RBFOX1: variants seen among roughly 807,000 people sequenced by gnomAD.
RBFOX1 encodes the protein RNA binding protein fox-1 homolog 1.
RBFOX1 carries 8 observed loss-of-function variants against 57.7 expected under a neutral mutation model. The ratio of observed to expected loss-of-function variants is 0.14; its 90% CI spans 0.08 to 0.25. RBFOX1 has a LOEUF of 0.25. Ranked by LOEUF, RBFOX1 falls within the 10% of genes least tolerant of loss-of-function variation. The pLI is 1.00. For synonymous variants in RBFOX1, 326 were observed against 222.4 expected, an observed-to-expected ratio of 1.47 and a Z score of -4.15; for missense variants, 611 against 548.5, an observed-to-expected ratio of 1.11 and a Z score of -1.14.
chr16:6,789,120 A>G (rs35154282), intron 3 of RBFOX1, among the ~76,000 whole-genome samples: 56,038 of 151,804 alleles, frequency 0.37, 10,866 homozygotes, highest in Non-Finnish European at 0.44. Flanking sequence ...CCAGATTAGG[A>G]TTTTAGTGAA....
chr16:7,246,764 C>T (rs914195793), intron 4 of RBFOX1, among the ~76,000 whole-genome samples: 1 of 151,238 alleles, frequency 6.6e-6, no homozygotes, highest in Non-Finnish European at 1.5e-5. Flanking sequence ...ACAGCGCCTA[C>T]GTAGCACATC....
chr16:6,290,788 G>A (rs2077390527), intron 1 of RBFOX1, among the ~76,000 whole-genome samples: 1 of 152,140 alleles, frequency 6.6e-6, no homozygotes, highest in South Asian at 2.1e-4. Flanking sequence ...AAGAAACTAA[G>A]TAAGTTCTTC....
intron 2 of RBFOX1, among the ~76,000 whole-genome samples, chr16:6,503,187 A>G (rs1403034037): frequency 7.0e-6 from 1 of 142,132 alleles, no homozygotes; most frequent in Non-Finnish European, 1.5e-5. Flanking sequence ...TGATTTTTTT[A>G]TTATTTGTTT....
At chr16:6,417,740 G>T (rs1490367404) in intron 2 of RBFOX1, among the ~76,000 whole-genome samples, 2 of 148,026 alleles carry the variant, frequency 1.4e-5, no homozygotes, top group Non-Finnish European at 3.0e-5. Context: ...AAGGGTATAA[G>T]TGCAGGTTTG....
chr16:5,780,907 C>T (rs141075995), intron 3 of RBFOX1, among the ~76,000 whole-genome samples: 1 of 152,286 alleles, frequency 6.6e-6, no homozygotes, highest in African/African-American at 2.4e-5. Context: ...TCTATTATAC[C>T]GTGTCTAGAA....
At chr16:5,556,305 G>A (rs1025432295) in intron 2 of RBFOX1, among the ~76,000 whole-genome samples, 5 of 152,194 alleles carry the variant, frequency 3.3e-5, no homozygotes, top group African/African-American at 7.2e-5. Context: ...AGTGTAAACG[G>A]TGGTATTCGT....
rs552158180 is a variant in RBFOX1 at position 7,553,594 on chromosome 16, C to G, written c.271-26183C>G. 2.0e-5 allele frequency among the ~76,000 whole-genome samples: 3 copies of G among 152,304 alleles called. No individual in the cohort carries two copies. In the East Asian group the frequency reaches 5.8e-4, roughly 29 times the overall value. ...GGGATACATATGGCAAAATTTCAAA[C>G]TCAAATGAAGATCTGCAAGTGGCCA... is the stretch of plus-strand genomic sequence containing the variant. On this transcript the variant is annotated intron_variant, in intron 5 of 15. Transcript: ENST00000550418.
chr16:6,898,482 G>C (rs1424369709), intron 3 of RBFOX1, among the ~76,000 whole-genome samples: 3 of 152,154 alleles, frequency 2.0e-5, no homozygotes, highest in Non-Finnish European at 4.4e-5. Context: ...TCATAATTCA[G>C]TCCATAGTAA....
intron 1 of RBFOX1, among the ~76,000 whole-genome samples, chr16:5,293,398 T>C (rs951060287): frequency 2.0e-5 from 3 of 152,164 alleles, no homozygotes; most frequent in Non-Finnish European, 4.4e-5. Flanking sequence ...TTCAATGAGA[T>C]GTCCCTCCTG....
At chr16:6,836,210 G>T (rs1442773443) in intron 3 of RBFOX1, among the ~76,000 whole-genome samples, 1 of 152,028 alleles carries the variant, frequency 6.6e-6, no homozygotes, top group Non-Finnish European at 1.5e-5. Flanking sequence ...TTTTCTCATC[G>T]TTTCTTGAAA....
chr16:6,913,839 C>A (rs886802433), intron 3 of RBFOX1, among the ~76,000 whole-genome samples: 1 of 152,150 alleles, frequency 6.6e-6, no homozygotes, highest in African/African-American at 2.4e-5. Flanking sequence ...CTGCATGTGG[C>A]GTAATTGTAT....
At chr16:5,411,709 G>T (rs1462892091) in intron 1 of RBFOX1, among the ~76,000 whole-genome samples, 1 of 151,792 alleles carries the variant, frequency 6.6e-6, no homozygotes, top group Non-Finnish European at 1.5e-5. Context: ...AGACCAGCCT[G>T]GGCAACATGG....
chr16:6,938,692 G>C lies in RBFOX1; in HGVS notation c.-15-113365G>C, dbSNP rs188359906. ...GGTAGAATTGGGGCTTTGCCATGTTGGCCAGGCTGGTCTCGAATCACTTGA... is the reference window on the plus strand; with the variant it reads ...GGTAGAATTGGGGCTTTGCCATGTTCGCCAGGCTGGTCTCGAATCACTTGA... On this transcript the variant is annotated intron_variant, in intron 3 of 15. Coordinates refer to ENST00000550418, the MANE Select transcript of RBFOX1 (RefSeq NM_018723.4). Among the ~76,000 whole-genome samples the C allele has an allele frequency of 1.6e-3, 249 of 152,244 alleles. 1 individual carries two copies. Among genetic ancestry groups the C allele is most frequent in the African/African-American group, 5.7e-3 (235 of 41,552 alleles).
At chr16:6,188,197 T>C (rs376818711) in intron 1 of RBFOX1, among the ~76,000 whole-genome samples, 155 of 152,260 alleles carry the variant, frequency 1.0e-3, no homozygotes, top group African/African-American at 3.6e-3. Flanking sequence ...AGTAAGCCTG[T>C]TCAGTTCAAA....
At chr16:7,684,047 A>G (rs2075518471) in intron 14 of RBFOX1, among the ~76,000 whole-genome samples, 1 of 152,118 alleles carries the variant, frequency 6.6e-6, no homozygotes, top group African/African-American at 2.4e-5. Flanking sequence ...TTTTTCAGTA[A>G]AAGTGTCTAA....
chr16:5,360,344 G>T (rs528790823), intron 1 of RBFOX1, among the ~76,000 whole-genome samples: 1 of 152,318 alleles, frequency 6.6e-6, no homozygotes. Flanking sequence ...GTATATCAGC[G>T]CCAGGCAGCT....
intron 1 of RBFOX1, among the ~76,000 whole-genome samples, chr16:5,403,291 G>T (rs1034739233): frequency 3.3e-5 from 5 of 150,586 alleles, no homozygotes; most frequent in African/African-American, 1.2e-4. Flanking sequence ...TGGAGTTTGC[G>T]GTGTGCCGAG....
intron 2 of RBFOX1, among the ~76,000 whole-genome samples, chr16:6,467,121 TAC>T (rs767471165): frequency 1.4e-3 from 207 of 151,070 alleles, no homozygotes; most frequent in Non-Finnish European, 2.3e-3. Flanking sequence ...ATATATGAAT[TAC>T]AGTTAGTGTA....
chr16:6,669,456 A>G (rs1005216058), intron 3 of RBFOX1, among the ~76,000 whole-genome samples: 1 of 152,202 alleles, frequency 6.6e-6, no homozygotes, highest in Non-Finnish European at 1.5e-5. Context: ...CAGATCAACC[A>G]GAGGTTTTTC....
Sources: allele counts gnomAD v4.1 joint callset (sites outside exome capture counted in the v4.1 genomes callset), GRCh38; gene constraint gnomAD v4.1.1; transcripts MANE v1.5; gene names NCBI Gene and HGNC (gene_info 2026-07-23, HGNC 2026-07-21).